VPS50: variants seen among roughly 807,000 people sequenced by gnomAD.
The protein encoded by VPS50 is syndetin.
A neutral mutation model predicts 139.7 loss-of-function variants in VPS50; 70 were observed. That is an observed-to-expected ratio of 0.50 (90% confidence interval 0.41 to 0.61). The LOEUF (loss-of-function observed/expected upper bound fraction) is 0.61, where lower values mean the gene tolerates loss of function less well. VPS50 is among the 20% of genes least tolerant of loss of function. VPS50 has a pLI of 0.00. For missense variants in VPS50, 921 were observed against 1,133.7 expected (o/e 0.81, Z 2.69); for synonymous variants, 365 against 376.7 (o/e 0.97, Z 0.36).
intron 4 of VPS50, among the ~76,000 whole-genome samples, chr7:93,255,272 A>G (rs1584392787): frequency 6.6e-6 from 1 of 152,228 alleles, no homozygotes; most frequent in East Asian, 1.9e-4. Flanking sequence ...GATGGGAGAC[A>G]GTGACAGATC....
chr7:93,339,193 G>A (rs1194117522), intron 22 of VPS50, among the ~76,000 whole-genome samples: 2 of 150,824 alleles, frequency 1.3e-5, no homozygotes, highest in African/African-American at 2.4e-5. Flanking sequence ...ATGGAGATAC[G>A]ACATTAATTA....
chr7:93,338,409 G>A (rs1798122048), intron 22 of VPS50, among the ~76,000 whole-genome samples: 2 of 152,156 alleles, frequency 1.3e-5, no homozygotes, highest in African/African-American at 4.8e-5. Context: ...TTTTATTTGG[G>A]CAGTTAGAGA....
At chr7:93,329,613 A>T (rs899067044) in intron 21 of VPS50, among the ~76,000 whole-genome samples, 1 of 152,108 alleles carries the variant, frequency 6.6e-6, no homozygotes, top group Non-Finnish European at 1.5e-5. Context: ...AAAGAAATGT[A>T]CAGCAGAGTA....
intron 20 of VPS50, 60 bp downstream of exon 20, chr7:93,311,332 C>CTT: frequency 1.2e-6 from 1 of 811,378 alleles, no homozygotes; most frequent in Non-Finnish European, 2.2e-6. Flanking sequence ...TACCGAATGA[C>CTT]TTTTACTTGT....
At chr7:93,281,975 C>T (rs936305139) in intron 12 of VPS50, among the ~76,000 whole-genome samples, 6 of 152,052 alleles carry the variant, frequency 3.9e-5, no homozygotes, top group Non-Finnish European at 7.4e-5. Context: ...GAGGCTGAGG[C>T]GGGTGGATCA....
At chr7:93,276,119 A>T in intron 11 of VPS50, 46 bp from the exon 12 acceptor site, 1 of 1,486,906 alleles carries the variant, frequency 6.7e-7, no homozygotes, top group Non-Finnish European at 9.0e-7. Context: ...AAATTTATTT[A>T]TTTTAATAAT....
intron 26 of VPS50, 114 bp downstream of exon 26, chr7:93,353,875 C>T (rs1045165606): frequency 1.2e-6 from 1 of 825,948 alleles, no homozygotes; most frequent in Non-Finnish European, 1.9e-6. Context: ...AACTAGCAGA[C>T]AAGTTTGGGA....
At chr7:93,303,123 A>G (rs1437358683) in intron 16 of VPS50, among the ~76,000 whole-genome samples, 1 of 151,962 alleles carries the variant, frequency 6.6e-6, no homozygotes. Context: ...GCATCAATAT[A>G]TAATCAGCTA....
chr7:93,303,462 C>A lies in VPS50; in HGVS notation c.1364C>A (p.Thr455Lys). ...AGTGTTCATTTTCTTTTTTTAAGAA[C>A]ACGGCTCGATGAACTGAGAATGTTC... ...SVNYFKNYHR[T>K]RLDELRMFLE... The change falls in exon 17 of 28, where the codon ACA becomes AAA. Residue 455 changes from threonine to lysine, a missense_variant and splice_region_variant. By Grantham distance (78) the Thr-to-Lys change is moderately conservative (BLOSUM62 -1). Coordinates refer to ENST00000305866, the MANE Select transcript of VPS50 (RefSeq NM_017667.4). The A allele has an allele frequency of 3.2e-6, 5 of 1,539,984 alleles. No individual in the cohort carries two copies. The highest frequency in any genetic ancestry group is 4.4e-6 in the Non-Finnish European group (5 of 1,125,386).
intron 12 of VPS50, among the ~76,000 whole-genome samples, chr7:93,280,725 G>T (rs1796300177): frequency 6.6e-6 from 1 of 151,972 alleles, no homozygotes; most frequent in African/African-American, 2.4e-5. Flanking sequence ...TGCTAATTAG[G>T]ATGTTATTGA....
intron 24 of VPS50, 148 bp from the exon 25 acceptor site, chr7:93,349,727 T>C (rs1798504378): frequency 1.6e-6 from 1 of 629,298 alleles, no homozygotes; most frequent in Non-Finnish European, 2.6e-6. Flanking sequence ...ACTCAAATAT[T>C]CAAATTATTT....
intron 23 of VPS50, among the ~76,000 whole-genome samples, chr7:93,344,467 T>C (rs1479962121): frequency 2.0e-5 from 3 of 152,208 alleles, no homozygotes; most frequent in African/African-American, 7.2e-5. Context: ...AACTCAGCTC[T>C]GCATCAAGCA....
chr7:93,358,133 T>C (rs2285505), intron 27 of VPS50, among the ~76,000 whole-genome samples, 184 bp from the exon 28 acceptor site: 60,273 of 151,990 alleles, frequency 0.4, 12,370 homozygotes, highest in African/African-American at 0.5. Flanking sequence ...ATTCTTATTC[T>C]CTCCTATTAC....
rs985334797 is a variant in VPS50 at position 93,334,147 on chromosome 7, A to G, written c.2008A>G (p.Ser670Gly). Residue 670 changes from serine to glycine, a missense_variant, in exon 22 of 28, where the codon AGT becomes GGT. Coordinates refer to ENST00000305866, the MANE Select transcript of VPS50 (RefSeq NM_017667.4). ...ATCAACTGGACTCGGCCTTAGTAGT[A>G]GTAGACTAAGAACAACTCTAAACAG... ...LESTGLGLSS[S>G]RLRTTLNRIQ... is the part of the protein sequence containing the mutation. 4 of 1,600,498 alleles carry G rather than the reference A, an allele frequency of 2.5e-6. No homozygotes were observed. Among genetic ancestry groups the G allele is most frequent in the Non-Finnish European group, 3.4e-6 (4 of 1,170,044 alleles).
chr7:93,271,328 G>A (rs1796003395), intron 10 of VPS50, 66 bp downstream of exon 10: 1 of 1,454,604 alleles, frequency 6.9e-7, no homozygotes, highest in Non-Finnish European at 9.0e-7. Flanking sequence ...TAGCCTAGGT[G>A]CAACATTGTG....
At chr7:93,348,430 C>T (rs145560726) in intron 23 of VPS50, among the ~76,000 whole-genome samples, 2 of 152,322 alleles carry the variant, frequency 1.3e-5, no homozygotes, top group East Asian at 3.9e-4. Context: ...TCACATCTTA[C>T]ATTTGAAGCA....
chr7:93,247,214 A>G (rs964215024), intron 2 of VPS50, among the ~76,000 whole-genome samples: 2 of 151,886 alleles, frequency 1.3e-5, no homozygotes, highest in Non-Finnish European at 2.9e-5. Flanking sequence ...AAAATATTGA[A>G]TATTTTTGCC....
chr7:93,348,855 T>G (rs1323119995), intron 24 of VPS50, 48 bp downstream of exon 24: 6 of 1,223,218 alleles, frequency 4.9e-6, no homozygotes, highest in Non-Finnish European at 6.0e-6. Context: ...AAGATAGGAC[T>G]GTCACAGATT....
intron 2 of VPS50, among the ~76,000 whole-genome samples, chr7:93,250,275 T>G (rs1280900185): frequency 6.6e-6 from 1 of 152,206 alleles, no homozygotes; most frequent in African/African-American, 2.4e-5. Flanking sequence ...AGGGAATAAT[T>G]TTATAGTTAG....
Sources: allele counts gnomAD v4.1 joint callset (sites outside exome capture counted in the v4.1 genomes callset), GRCh38; gene constraint gnomAD v4.1.1; transcripts MANE v1.5; gene names NCBI Gene and HGNC (gene_info 2026-07-23, HGNC 2026-07-21).